PI16: variants seen among roughly 807,000 people sequenced by gnomAD.
PI16 encodes peptidase inhibitor 16.
PI16 carries 35 observed loss-of-function variants against 38.0 expected under a neutral mutation model. That is an observed-to-expected ratio of 0.92 (90% CI 0.70 to 1.22). PI16 has a LOEUF of 1.22. PI16 is among the 50% of genes most tolerant of loss of function. The probability of loss-of-function intolerance (pLI) is 0.00; values close to 1 mark genes in which losing one functional copy is unlikely to be tolerated. For missense variants in PI16, 572 were observed against 593.8 expected, an observed-to-expected ratio of 0.96 and a Z score of 0.38; for synonymous variants, 275 against 252.9, an observed-to-expected ratio of 1.09 and a Z score of -0.83.
Position 36,963,261 on chromosome 6 carries a change from T to C in PI16, c.919T>C (p.Phe307Leu). Residue 307 changes from phenylalanine (F) to leucine (L), a missense_variant, in exon 5 of 7, where the codon TTC (phenylalanine) becomes CTC (leucine). Physicochemically the swap from Phe to Leu is conservative, Grantham distance 22. Transcript: ENST00000373674. ...CTCCTTGGATGAGGAGCCAGTTACC[T>C]TCCCCAAATCGACCCATGTTCCTAT... ...LPSLDEEPVT[F>L]PKSTHVPIPK... is the part of the protein sequence containing the mutation. 1.9e-6 allele frequency: 3 copies of C among 1,614,238 alleles called. No homozygotes were observed. Among genetic ancestry groups the C allele is most frequent in the Middle Eastern group, 1.6e-4 (1 of 6,062 alleles).
intron 1 of PI16, 39 bp from the exon 2 acceptor site, chr6:36,959,106 G>A (rs1763277364): frequency 2.6e-6 from 4 of 1,555,968 alleles, no homozygotes; most frequent in Non-Finnish European, 3.5e-6. Context: ...CACAGCATCT[G>A]TGGGCATCCT....
At chr6:36,964,071 C>T in intron 6 of PI16, 109 bp downstream of exon 6, 2 of 1,314,506 alleles carry the variant, frequency 1.5e-6, no homozygotes, top group Non-Finnish European at 2.1e-6. Flanking sequence ...CCAGCAGCCC[C>T]CCTTCACCCC....
In PI16 at chr6:36,962,220, G is replaced by T. The variant is rs530805311; in HGVS notation, c.592+246G>T. Among the ~76,000 whole-genome samples, 40 of 152,150 alleles carry T rather than the reference G, an allele frequency of 2.6e-4. No individual in the cohort carries two copies. Among genetic ancestry groups the T allele is most frequent in the African/African-American group, 9.6e-4 (40 of 41,514 alleles). On this transcript the variant is annotated intron_variant, in intron 4 of 6. Coordinates refer to ENST00000373674, the MANE Select transcript of PI16 (RefSeq NM_153370.3). This position sits in a 1 kb window ranked among gnomAD's most constrained non-coding sequence, Gnocchi z 4.1. Reference sequence around the variant, plus strand: ...GGATGTTAGAAAGTCTGGCGGCTTCGGGGGGGCCCGCGCGAGGTGGGTGTC... The same window carrying T: ...GGATGTTAGAAAGTCTGGCGGCTTCTGGGGGGCCCGCGCGAGGTGGGTGTC...
At chr6:36,961,695 T>C (rs973154014) in intron 3 of PI16, 135 bp downstream of exon 3, 5 of 926,886 alleles carry the variant, frequency 5.4e-6, no homozygotes, top group East Asian at 5.1e-5. Flanking sequence ...CAGGGAGCTG[T>C]GAAGGCACCA....
chr6:36,961,780 T>G, intron 3 of PI16, 106 bp from the exon 4 acceptor site: 1 of 1,069,924 alleles, frequency 9.3e-7, no homozygotes, highest in Non-Finnish European at 1.4e-6. Flanking sequence ...TGGCTGGCAG[T>G]CAGGAGACCC....
At position 36,959,480 on chromosome 6, in the gene PI16, G is replaced by A. The variant is rs541530220; in HGVS notation, c.393+114G>A. 2,189 of 1,074,622 alleles carry A rather than the reference G, an allele frequency of 2.0e-3. 4 individuals carry two copies. Among genetic ancestry groups the A allele is most frequent in the Non-Finnish European group, 2.5e-3 (1,912 of 767,264 alleles). The allele number at this position is 1,074,622 out of a possible 1,614,324, so 66.6% of individuals were successfully genotyped here. A position where few individuals can be genotyped will look rare whatever the true frequency, so the allele number is the denominator to read the frequency against. ...CCCCTCCTAAGCGTCCTCGCTGCAA[G>A]TAGGCGGGCTTCACTCCAAGCCCCC... is the stretch of plus-strand genomic sequence containing the variant. On this transcript the variant is annotated intron_variant, in intron 2 of 6. Coordinates refer to ENST00000373674, the MANE Select transcript of PI16 (RefSeq NM_153370.3).
rs1156790546 is a variant in PI16, at chr6:36,964,629, G to A, written c.*262G>A. 6.6e-6 allele frequency: 1 copy of A among 152,576 alleles called. No individual in the cohort carries two copies. The highest frequency in any genetic ancestry group is 1.5e-5 in the Non-Finnish European group (1 of 68,378). 9.5% of individuals were successfully genotyped at this position (152,576 alleles called of 1,614,324 possible). On this transcript the variant is annotated 3_prime_UTR_variant, in exon 7 of 7. Transcript: ENST00000373674. Reference sequence around the variant, plus strand: ...GAGTCCTGGGGGTGGGAGGATTTGAGGGAGCTCACTGCCTACCTGGCCTGG... The same window carrying A: ...GAGTCCTGGGGGTGGGAGGATTTGAAGGAGCTCACTGCCTACCTGGCCTGG...
intron 1 of PI16, among the ~76,000 whole-genome samples, chr6:36,957,350 C>T (rs1308034080): frequency 6.6e-6 from 1 of 152,190 alleles, no homozygotes; most frequent in Non-Finnish European, 1.5e-5. Flanking sequence ...CTGACTAATG[C>T]CTCATCTTTT....
intron 1 of PI16, among the ~76,000 whole-genome samples, chr6:36,958,758 G>A (rs903587066): frequency 9.2e-5 from 14 of 152,134 alleles, no homozygotes; most frequent in Non-Finnish European, 2.1e-4. Flanking sequence ...CGATCACACC[G>A]TGATCTTGTG....
upstream of PI16, among the ~76,000 whole-genome samples, chr6:36,953,407 AT>A (rs1763132957): frequency 6.6e-6 from 1 of 152,058 alleles, no homozygotes. Context: ...TATAAATGAA[AT>A]TGTTTTCTTA....
At chr6:36,961,663 G>T in intron 3 of PI16, 103 bp downstream of exon 3, 1 of 1,098,282 alleles carries the variant, frequency 9.1e-7, no homozygotes, top group South Asian at 1.3e-5. Context: ...GAGGAGAGGG[G>T]TCAGTCTGGA....
chr6:36,952,193 C>T (rs1763112728), upstream of PI16, among the ~76,000 whole-genome samples: 1 of 152,032 alleles, frequency 6.6e-6, no homozygotes, highest in Admixed American at 6.6e-5. Flanking sequence ...GGGGTTTCAC[C>T]ATGTTGGCCA....
Position 36,959,263 on chromosome 6 carries a change from T to C in PI16, c.290T>C (p.Met97Thr). 1 of 1,604,452 alleles carries C rather than the reference T, an allele frequency of 6.2e-7. No homozygotes were observed. The highest frequency in any genetic ancestry group is 1.3e-5 in the African/African-American group (1 of 74,952). ...ENLFAITDEG[M>T]DVPLAMEEWH... ...CTGTTCGCCATCACAGACGAGGGCATGGACGTGCCGCTGGCCATGGAGGAG... is the reference window on the plus strand; with the variant it reads ...CTGTTCGCCATCACAGACGAGGGCACGGACGTGCCGCTGGCCATGGAGGAG... Residue 97 changes from methionine to threonine, a missense_variant, in exon 2 of 7, where the codon ATG (methionine) becomes ACG (threonine). Physicochemically the swap from Met to Thr is moderately conservative, Grantham distance 81. Coordinates refer to ENST00000373674, the MANE Select transcript of PI16 (RefSeq NM_153370.3).
chr6:36,953,047 C>A (rs1001372673), upstream of PI16, among the ~76,000 whole-genome samples: 2 of 152,182 alleles, frequency 1.3e-5, no homozygotes. Context: ...GGGCCAGGCG[C>A]AGTGGCTCAC....
chr6:36,959,759 T>C (rs1319038600), intron 2 of PI16, among the ~76,000 whole-genome samples: 1 of 151,690 alleles, frequency 6.6e-6, no homozygotes, highest in Admixed American at 6.6e-5. Flanking sequence ...CGCCAGCTGC[T>C]CTGGAGGCGG....
At chr6:36,955,148 A>G (rs553180632) in intron 1 of PI16, among the ~76,000 whole-genome samples, 57 of 152,326 alleles carry the variant, frequency 3.7e-4, no homozygotes, top group African/African-American at 1.3e-3. Context: ...TAAAATTCAC[A>G]GGCCCCTATA....
intron 2 of PI16, among the ~76,000 whole-genome samples, chr6:36,960,468 T>C (rs73422763): frequency 0.036 from 5,486 of 152,160 alleles, 347 homozygotes; most frequent in African/African-American, 0.12. Context: ...ACCAACCATC[T>C]TCCCACCCAC....
In PI16 at chr6:36,963,161, G is replaced by C; in HGVS notation, c.819G>C (p.Pro273=). 6.2e-7 allele frequency: 1 copy of C among 1,614,160 alleles called. No homozygotes were observed. The highest frequency in any genetic ancestry group is 8.5e-7 in the Non-Finnish European group (1 of 1,180,026). ...CAACTTCCTTAGCAACGAAAGACCC[G>C]CCCTCCATGGCAACAGAGGCTCCAC... ...QAPTSLATKD[P]PSMATEAPPC... The change falls in exon 5 of 7, where the codon CCG becomes CCC. Residue 273 remains proline, a synonymous_variant. Coordinates refer to ENST00000373674, the MANE Select transcript of PI16 (RefSeq NM_153370.3).
chr6:36,958,220 A>G (rs1320571998), intron 1 of PI16, among the ~76,000 whole-genome samples: 1 of 152,332 alleles, frequency 6.6e-6, no homozygotes, highest in East Asian at 1.9e-4. Flanking sequence ...CATAGGGTGG[A>G]GCAAGAGCTG....
Sources: allele counts gnomAD v4.1 joint callset (sites outside exome capture counted in the v4.1 genomes callset), GRCh38; gene constraint gnomAD v4.1.1; non-coding constraint Gnocchi (gnomAD v3.1); transcripts MANE v1.5; gene names NCBI Gene and HGNC (gene_info 2026-07-23, HGNC 2026-07-21).